The following FBXL7 variants were observed in gnomAD, a reference collection of about 807,000 sequenced individuals.
FBXL7 encodes the protein F-box and leucine rich repeat protein 7, also known as F-box/LRR-repeat protein 7.
Under a neutral mutation model 38.3 loss-of-function variants are expected in FBXL7, and 12 were observed. The observed-to-expected ratio is 0.31, with a 90% CI of 0.20 to 0.51. The LOEUF (loss-of-function observed/expected upper bound fraction) is 0.51. FBXL7 is among the 20% of genes least tolerant of loss of function. The pLI, the probability that FBXL7 is intolerant of heterozygous loss-of-function variation, is 0.98. For synonymous variants in FBXL7, 297 were observed against 300.9 expected (o/e 0.99, Z 0.13); for missense variants, 567 against 676.4 (o/e 0.84, Z 1.79).
intron 2 of FBXL7, among the ~76,000 whole-genome samples, chr5:15,738,433 A>T (rs530383630): frequency 3.3e-5 from 5 of 152,312 alleles, no homozygotes; most frequent in African/African-American, 1.2e-4. Context: ...GTGATGTGGT[A>T]TGTTAGCTTT....
chr5:15,933,847 G>T (rs543976075), intron 3 of FBXL7, among the ~76,000 whole-genome samples: 1 of 152,158 alleles, frequency 6.6e-6, no homozygotes, highest in Non-Finnish European at 1.5e-5. Flanking sequence ...AGAAGTGTCC[G>T]AAGTGAGGCG....
chr5:15,693,655 C>T (rs949018366), intron 2 of FBXL7, among the ~76,000 whole-genome samples: 11 of 152,158 alleles, frequency 7.2e-5, no homozygotes, highest in Non-Finnish European at 1.6e-4. Flanking sequence ...AAGACCCTAG[C>T]GGACACACGC....
intron 1 of FBXL7, among the ~76,000 whole-genome samples, chr5:15,586,999 T>C (rs540009550): frequency 5.8e-4 from 89 of 152,296 alleles, no homozygotes; most frequent in Non-Finnish European, 1.0e-3. Context: ...GCCACCATCA[T>C]CTCCCACTGC....
chr5:15,769,398 G>A (rs1736672442), intron 2 of FBXL7, among the ~76,000 whole-genome samples: 1 of 152,174 alleles, frequency 6.6e-6, no homozygotes, highest in African/African-American at 2.4e-5. Flanking sequence ...CATTACCCAG[G>A]ATGAGATGGA....
At chr5:15,849,202 G>T (rs927827394) in intron 2 of FBXL7, among the ~76,000 whole-genome samples, 10 of 111,220 alleles carry the variant, frequency 9.0e-5, no homozygotes, top group Non-Finnish European at 1.8e-4. Flanking sequence ...AGCCAACTGT[G>T]CAGTGAATGC....
chr5:15,827,628 A>G lies in FBXL7; in HGVS notation c.128-100262A>G, dbSNP rs114921857. Among the ~76,000 whole-genome samples the G allele has an allele frequency of 2.3e-3, 353 of 152,272 alleles. 1 individual carries two copies. Among genetic ancestry groups the G allele is most frequent in the African/African-American group, 7.8e-3 (324 of 41,570 alleles). On this transcript the variant is annotated intron_variant, in intron 2 of 3. Transcript: ENST00000504595. ...GAGAGAAAGGGGTCTGAACTTACCA[A>G]TGAATCCACTCCATGATAACGACAT...
At chr5:15,876,305 G>C (rs988011556) in intron 2 of FBXL7, among the ~76,000 whole-genome samples, 30 of 152,014 alleles carry the variant, frequency 2.0e-4, no homozygotes, top group Admixed American at 2.0e-4. Context: ...TGTAGATGAC[G>C]GGTTGATGGG....
rs937051236 is a variant in FBXL7 at position 15,833,275 on chromosome 5, C to T, written c.128-94615C>T. Among the ~76,000 whole-genome samples the T allele has an allele frequency of 7.2e-5, 11 of 152,100 alleles. 1 individual carries two copies. Among genetic ancestry groups the T allele is most frequent in the Admixed American group, 2.6e-4 (4 of 15,276 alleles). ...CTCAGTCTCTGGCTGAGAGATGGCA[C>T]CTTCTTGCTGTGTCCTCACATGGTG... On this transcript the variant is annotated intron_variant, in intron 2 of 3. Transcript: ENST00000504595.
At chr5:15,601,232 T>C (rs1398549763) in intron 1 of FBXL7, among the ~76,000 whole-genome samples, 20 of 152,208 alleles carry the variant, frequency 1.3e-4, no homozygotes, top group Admixed American at 1.3e-3. Flanking sequence ...TCTTTTATTA[T>C]ACATCCAGAT....
chr5:15,927,785 A>AAAAAAT, intron 2 of FBXL7, 105 bp from the exon 3 acceptor site: 5 of 801,026 alleles, frequency 6.2e-6, no homozygotes, highest in African/African-American at 5.2e-5. Context: ...AAAAAAAAAA[A>AAAAAAT]AAGAAGAAGA....
chr5:15,612,226 G>GAA (rs35427493), intron 1 of FBXL7, among the ~76,000 whole-genome samples: 1 of 151,464 alleles, frequency 6.6e-6, no homozygotes, highest in African/African-American at 2.4e-5. Context: ...GGTACTTAGG[G>GAA]AAAAAAAGTC....
intron 2 of FBXL7, among the ~76,000 whole-genome samples, chr5:15,757,735 T>C (rs781094436): frequency 5.9e-5 from 9 of 152,078 alleles, no homozygotes; most frequent in Non-Finnish European, 1.2e-4. Flanking sequence ...TGACCGTTCT[T>C]TTGAGGATAG....
At position 15,814,885 on chromosome 5, in the gene FBXL7, G is replaced by A. The variant is rs144672303; in HGVS notation, c.128-113005G>A. 6.8e-3 allele frequency among the ~76,000 whole-genome samples: 1,031 copies of A among 152,270 alleles called. 16 individuals carry two copies. The highest frequency in any genetic ancestry group is 0.024 in the African/African-American group (998 of 41,554). On this transcript the variant is annotated intron_variant, in intron 2 of 3. Coordinates refer to ENST00000504595, the MANE Select transcript of FBXL7 (RefSeq NM_012304.5). ...AACACCGGCTGGGTAGAGCACAGCA[G>A]TGGCCTGGCGCTGTATGAATGGCCC...
intron 2 of FBXL7, among the ~76,000 whole-genome samples, chr5:15,666,496 T>C (rs1742282353): frequency 6.6e-6 from 1 of 152,212 alleles, no homozygotes; most frequent in South Asian, 2.1e-4. Flanking sequence ...CTTCAACTTA[T>C]AGACACTTTC....
At chr5:15,881,622 A>G (rs982736482) in intron 2 of FBXL7, among the ~76,000 whole-genome samples, 2 of 152,124 alleles carry the variant, frequency 1.3e-5, no homozygotes, top group Non-Finnish European at 2.9e-5. Flanking sequence ...CATAGTGGTT[A>G]TATTAGTTTA....
chr5:15,772,951 G>A (rs1428457377), intron 2 of FBXL7, among the ~76,000 whole-genome samples: 1 of 151,790 alleles, frequency 6.6e-6, no homozygotes, highest in Non-Finnish European at 1.5e-5. Context: ...CTGGAGTGCA[G>A]TACTGAGATT....
At chr5:15,631,410 T>G (rs1417587877) in intron 2 of FBXL7, among the ~76,000 whole-genome samples, 1 of 151,848 alleles carries the variant, frequency 6.6e-6, no homozygotes, top group Non-Finnish European at 1.5e-5. Context: ...ATTGAAGAAG[T>G]GTGGGCTGGG....
At chr5:15,591,859 C>T (rs1739486621) in intron 1 of FBXL7, among the ~76,000 whole-genome samples, 1 of 152,112 alleles carries the variant, frequency 6.6e-6, no homozygotes, top group Non-Finnish European at 1.5e-5. Context: ...TACAGGCACG[C>T]ACCACCACAC....
chr5:15,691,834 G>A (rs1030058352), intron 2 of FBXL7, among the ~76,000 whole-genome samples: 7 of 152,184 alleles, frequency 4.6e-5, no homozygotes, highest in African/African-American at 1.4e-4. Context: ...GAAAAGGGAA[G>A]TCTGGAAAGT....
Sources: gnomAD v4.1 joint callset for allele counts (sites outside exome capture counted in the v4.1 genomes callset) on GRCh38, gnomAD v4.1.1 for gene constraint, MANE v1.5 for transcripts, NCBI Gene and HGNC (gene_info 2026-07-23, HGNC 2026-07-21) for gene names.